The following NCOA6 variants were observed in gnomAD, a reference collection of about 807,000 sequenced individuals.
The protein encoded by NCOA6 is NRC RAP250.
In NCOA6, 49 loss-of-function variants were observed where a neutral mutation model predicts 171.4. The ratio of observed to expected loss-of-function variants is 0.29; its 90% CI spans 0.23 to 0.36. The LOEUF is 0.36. Among genes scored for constraint, NCOA6 ranks in the 10% least tolerant of loss-of-function variants. The pLI, the probability that NCOA6 is intolerant of heterozygous loss-of-function variation, is 1.00. For synonymous variants in NCOA6, 910 were observed against 927.5 expected (o/e 0.98, Z 0.34); for missense variants, 2,248 against 2,554.5 (o/e 0.88, Z 2.59).
intron 12 of NCOA6, 152 bp downstream of exon 12, chr20:34,736,538 C>T (rs955528184): frequency 5.4e-6 from 3 of 552,858 alleles, no homozygotes; most frequent in Admixed American, 7.7e-5. Flanking sequence ...ACTGCACAAG[C>T]TTTGTCACTC....
chr20:34,730,274 G>A (rs537288103), intron 13 of NCOA6, among the ~76,000 whole-genome samples: 35 of 150,672 alleles, frequency 2.3e-4, no homozygotes, highest in Non-Finnish European at 4.6e-4. Context: ...TTTTTTCATA[G>A]AGACAGGGTC....
chr20:34,813,961 T>G (rs2078751949), intron 1 of NCOA6, among the ~76,000 whole-genome samples: 1 of 152,014 alleles, frequency 6.6e-6, no homozygotes, highest in South Asian at 2.1e-4. Flanking sequence ...ATGAAATCAT[T>G]TTAGGGAATA....
At chr20:34,796,399 T>C (rs1183931711) in intron 1 of NCOA6, among the ~76,000 whole-genome samples, 2 of 151,868 alleles carry the variant, frequency 1.3e-5, no homozygotes, top group Admixed American at 6.6e-5. Context: ...GAGGGCAGAT[T>C]GCTTGAGCCC....
At chr20:34,732,805 T>G in intron 12 of NCOA6, 2 of 462,154 alleles carry the variant, frequency 4.3e-6, no homozygotes, top group Non-Finnish European at 7.7e-6. Context: ...TTATTTCTAC[T>G]CCACATGGTG....
At chr20:34,810,681 G>A (rs189576834) in intron 1 of NCOA6, among the ~76,000 whole-genome samples, 1,578 of 151,922 alleles carry the variant, frequency 0.01, 33 homozygotes, top group African/African-American at 0.035. Flanking sequence ...TCAGCCTCCC[G>A]AGTAGCTGGG....
At chr20:34,746,214 G>A (rs1266832613) in intron 10 of NCOA6, among the ~76,000 whole-genome samples, 1 of 150,652 alleles carries the variant, frequency 6.6e-6, no homozygotes, top group Non-Finnish European at 1.5e-5. Context: ...CTAGAATCTT[G>A]ACATTGACAA....
chr20:34,740,058 T>C (rs951266104), intron 11 of NCOA6, among the ~76,000 whole-genome samples: 1 of 152,170 alleles, frequency 6.6e-6, no homozygotes, highest in African/African-American at 2.4e-5. Flanking sequence ...AGATGCAGTT[T>C]CACCATGTTG....
intron 1 of NCOA6, among the ~76,000 whole-genome samples, chr20:34,798,138 A>G (rs1045403398): frequency 2.0e-5 from 3 of 152,170 alleles, no homozygotes; most frequent in African/African-American, 7.2e-5. Context: ...AACCTAACTC[A>G]AGAGCCTTCG....
chr20:34,748,753 G>A (rs569869465), intron 9 of NCOA6, among the ~76,000 whole-genome samples: 128 of 152,274 alleles, frequency 8.4e-4, no homozygotes, highest in African/African-American at 2.8e-3. Flanking sequence ...TCATCTTAGC[G>A]TGGGGTTTTA....
chr20:34,779,820 C>T (rs894706773), intron 3 of NCOA6, among the ~76,000 whole-genome samples: 1 of 145,818 alleles, frequency 6.9e-6, no homozygotes, highest in Non-Finnish European at 1.5e-5. Flanking sequence ...ACATGGAGTT[C>T]ACTTGTTCTA....
chr20:34,758,057 G>T lies in NCOA6; in HGVS notation c.691C>A (p.His231Asn), dbSNP rs530512817. ...GGGGGAGCTAAAGATCCTGAGGGATGACTTTGCTGCTGTATATGGAGCCCA... is the reference window on the plus strand; with the variant it reads ...GGGGGAGCTAAAGATCCTGAGGGATTACTTTGCTGCTGTATATGGAGCCCA... ...LSGLHIQQQS[H>N]PSGSLAPPHH... Residue 231 changes from histidine (H) to asparagine (N), a missense_variant, in exon 7 of 15, where the codon CAT (histidine) becomes AAT (asparagine). Physicochemically the swap from His to Asn is moderately conservative, Grantham distance 68. Around this residue, in one of 7 missense-constraint regions of NCOA6, gnomAD observed 987 missense variants for 1,104.7 expected, o/e 0.89. Transcript: ENST00000359003. 2 of 1,614,060 alleles carry T rather than the reference G, an allele frequency of 1.2e-6. No individual in the cohort carries two copies. Among genetic ancestry groups the T allele is most frequent in the African/African-American group, 2.7e-5 (2 of 75,044 alleles).
rs572493543 is a variant in NCOA6 at position 34,760,597 on chromosome 20, T to C, written c.515-1664A>G. On this transcript the variant is annotated intron_variant, in intron 5 of 14. Transcript: ENST00000359003. ...TTAAATGTCTGAGAAAACTTTCCTG[T>C]AAAACCATCTGGGCCTATAGGTCAT... Among the ~76,000 whole-genome samples the C allele has an allele frequency of 1.1e-4, 16 of 152,344 alleles. No individual in the cohort carries two copies. The South Asian group carries it at 3.3e-3, about 32-fold the overall frequency.
chr20:34,743,168 G>C lies in NCOA6; in HGVS notation c.3088C>G (p.Gln1030Glu). 4 of 1,613,238 alleles carry C rather than the reference G, an allele frequency of 2.5e-6. No homozygotes were observed. Among genetic ancestry groups the C allele is most frequent in the Non-Finnish European group, 3.4e-6 (4 of 1,179,418 alleles). ...ATGAGCATCATCATCATTTGTTGCTGCTGCTGCTGCTGCTGCTGAGACTGT... is the reference window on the plus strand; with the variant it reads ...ATGAGCATCATCATCATTTGTTGCTCCTGCTGCTGCTGCTGCTGAGACTGT... Reference protein sequence around the residue: ...QPQSQQQQQQQQQMMMMLMMQ... With the variant: ...QPQSQQQQQQEQQMMMMLMMQ... Residue 1030 changes from glutamine (Q) to glutamate (E), a missense_variant, in exon 11 of 15, where the codon CAG becomes GAG. Physicochemically the swap from Gln to Glu is conservative, Grantham distance 29. Around this residue, in one of 7 missense-constraint regions of NCOA6, gnomAD observed 352 missense variants for 419.1 expected, o/e 0.84. Coordinates refer to ENST00000359003, the MANE Select transcript of NCOA6 (RefSeq NM_014071.5).
chr20:34,776,859 C>G (rs2077339995), intron 3 of NCOA6: 2 of 432,428 alleles, frequency 4.6e-6, no homozygotes, highest in African/African-American at 4.1e-5. Context: ...AGGCTCATGC[C>G]TATAATCCCA....
intron 1 of NCOA6, among the ~76,000 whole-genome samples, chr20:34,813,240 T>G (rs1233316252): frequency 4.7e-5 from 7 of 147,796 alleles, no homozygotes; most frequent in Admixed American, 3.4e-4. Flanking sequence ...CCGAGGAGGG[T>G]GGATCACTTT....
intron 1 of NCOA6, among the ~76,000 whole-genome samples, chr20:34,815,154 G>A (rs1423274626): frequency 1.3e-5 from 2 of 151,496 alleles, no homozygotes; most frequent in East Asian, 1.9e-4. Context: ...CAAGAGTATC[G>A]CTTAAACCCA....
intron 1 of NCOA6, among the ~76,000 whole-genome samples, chr20:34,795,980 T>C (rs536191895): frequency 4.7e-4 from 72 of 152,048 alleles, no homozygotes; most frequent in African/African-American, 1.3e-3. Context: ...GGTATTATTG[T>C]TTCAACTTTT....
intron 1 of NCOA6, among the ~76,000 whole-genome samples, chr20:34,811,217 A>G (rs1352086757): frequency 7.6e-6 from 1 of 131,774 alleles, no homozygotes; most frequent in African/African-American, 2.9e-5. Context: ...ATATATATAT[A>G]TATATATATA....
intron 1 of NCOA6, among the ~76,000 whole-genome samples, chr20:34,818,717 T>C (rs1440979628): frequency 6.6e-6 from 1 of 152,228 alleles, no homozygotes; most frequent in Non-Finnish European, 1.5e-5. Context: ...CCCAGCTCCA[T>C]AACACATTAC....
Sources: gnomAD v4.1 joint callset for allele counts (sites outside exome capture counted in the v4.1 genomes callset) on GRCh38, gnomAD v4.1.1 for gene constraint, gnomAD v4.1.1 regional missense constraint, MANE v1.5 for transcripts, NCBI Gene and HGNC (gene_info 2026-07-23, HGNC 2026-07-21) for gene names.